FAAH2: variants seen among roughly 807,000 people sequenced by gnomAD.
FAAH2 encodes the protein fatty-acid amide hydrolase 2.
Under a neutral mutation model 36.9 loss-of-function variants are expected in FAAH2, and 60 were observed. The ratio of observed to expected loss-of-function variants is 1.63; its 90% CI spans 1.32 to 2.02. The LOEUF is 2.02. Ranked by LOEUF, FAAH2 falls within the 30% of genes most tolerant of loss-of-function variation. FAAH2 has a pLI of 0.00. For missense variants in FAAH2, 689 were observed against 397.5 expected (o/e 1.73, Z -6.23); for synonymous variants, 214 against 143.8 (o/e 1.49, Z -3.49).
intron 7 of FAAH2, among the ~76,000 whole-genome samples, chrX:57,425,030 A>G: frequency 1.4e-5 from 1 of 69,475 alleles, no homozygotes; most frequent in South Asian, 7.5e-4. Flanking sequence ...AAAAAGATAG[A>G]TATTAAAAAA....
the FAAH2 span, among the ~76,000 whole-genome samples, chrX:57,123,895 G>A: frequency 8.9e-6 from 1 of 111,795 alleles, no homozygotes; most frequent in Admixed American, 9.5e-5. Flanking sequence ...TGTAGATTCT[G>A]GATATTAGCC....
chrX:57,431,741 T>TG (rs2056299323), intron 7 of FAAH2, among the ~76,000 whole-genome samples, 177 bp from the exon 8 acceptor site: 1 of 107,374 alleles, frequency 9.3e-6, no homozygotes, highest in Non-Finnish European at 1.9e-5. Context: ...CTATATATTT[T>TG]GGGGTGTTTT....
At chrX:57,369,576 G>A (rs1242932634) in intron 5 of FAAH2, among the ~76,000 whole-genome samples, 1 of 111,586 alleles carries the variant, frequency 9.0e-6, no homozygotes, top group East Asian at 2.8e-4. Context: ...TCAAAGTGCT[G>A]GGGAATAAAT....
At chrX:57,213,868 C>T in the FAAH2 span, among the ~76,000 whole-genome samples, 1 of 111,482 alleles carries the variant, frequency 9.0e-6, no homozygotes, top group African/African-American at 3.3e-5. Context: ...AAACTATGTT[C>T]AGTGTTCCTT....
the FAAH2 span, among the ~76,000 whole-genome samples, chrX:57,206,518 G>A: frequency 8.9e-6 from 1 of 112,128 alleles, no homozygotes; most frequent in Non-Finnish European, 1.9e-5. Context: ...ATGTAACACT[G>A]TGAAAATTTT....
chrX:57,460,602 C>A (rs1317630786), intron 10 of FAAH2, among the ~76,000 whole-genome samples: 1 of 111,757 alleles, frequency 8.9e-6, no homozygotes, highest in Non-Finnish European at 1.9e-5. Flanking sequence ...AGCAAATGCT[C>A]AGGGATTTTG....
At chrX:57,484,717 C>T (rs1159776468) in intron 10 of FAAH2, among the ~76,000 whole-genome samples, 1 of 111,367 alleles carries the variant, frequency 9.0e-6, no homozygotes, top group Non-Finnish European at 1.9e-5. Context: ...TGGTGAGTGT[C>T]ATTTGTGGTG....
the FAAH2 span, among the ~76,000 whole-genome samples, chrX:57,178,376 C>T: frequency 9.0e-6 from 1 of 111,663 alleles, no homozygotes; most frequent in African/African-American, 3.3e-5. Context: ...ATGTTCTGTG[C>T]TGGTTGTCCA....
chrX:57,453,440 C>T lies in FAAH2; in HGVS notation c.1423+4722C>T, dbSNP rs770548347. On this transcript the variant is annotated intron_variant, in intron 10 of 10. Transcript: ENST00000374900. Reference sequence around the variant, plus strand: ...CAGTTCCTCTTCTTTCTGAACTCTGCCAGTGGACACAGCCTCCTGTTATCC... The same window carrying T: ...CAGTTCCTCTTCTTTCTGAACTCTGTCAGTGGACACAGCCTCCTGTTATCC... 5.1e-4 allele frequency among the ~76,000 whole-genome samples: 57 copies of T among 110,795 alleles called. 1 individual carries two copies. Among genetic ancestry groups the T allele is most frequent in the African/African-American group, 1.7e-3 (53 of 30,490 alleles).
At chrX:57,450,856 G>A (rs1482893834) in intron 10 of FAAH2, among the ~76,000 whole-genome samples, 2 of 111,135 alleles carry the variant, frequency 1.8e-5, no homozygotes, top group Non-Finnish European at 3.8e-5. Flanking sequence ...ACCATTTATT[G>A]GAGACATGTA....
intron 3 of FAAH2, among the ~76,000 whole-genome samples, chrX:57,323,688 T>A (rs1215090006): frequency 9.6e-6 from 1 of 104,045 alleles, no homozygotes; most frequent in Non-Finnish European, 2.0e-5. Context: ...GGTTGTTTTT[T>A]TTTTTTTTTT....
chrX:57,440,399 G>A (rs975687737), intron 8 of FAAH2, among the ~76,000 whole-genome samples: 2 of 110,973 alleles, frequency 1.8e-5, no homozygotes, highest in African/African-American at 6.6e-5. Context: ...TTGGCTCTCT[G>A]ATTGTCTGTT....
intron 10 of FAAH2, among the ~76,000 whole-genome samples, chrX:57,461,096 G>A (rs1289034041): frequency 9.1e-6 from 1 of 109,506 alleles, no homozygotes; most frequent in Non-Finnish European, 1.9e-5. Flanking sequence ...AAAAAGAAGA[G>A]CTAACTATCC....
chrX:57,328,536 A>G (rs908291743), intron 3 of FAAH2, among the ~76,000 whole-genome samples: 18 of 110,880 alleles, frequency 1.6e-4, no homozygotes, highest in Non-Finnish European at 5.7e-5. Context: ...CTTTCTATCT[A>G]TATTCTGAAT....
intron 3 of FAAH2, among the ~76,000 whole-genome samples, chrX:57,316,206 C>A (rs751141118): frequency 1.8e-5 from 2 of 111,276 alleles, no homozygotes; most frequent in Admixed American, 9.6e-5. Flanking sequence ...AACTGCAGAA[C>A]ACTGCCGAAA....
chrX:57,170,531 G>T, the FAAH2 span, among the ~76,000 whole-genome samples: 3 of 111,360 alleles, frequency 2.7e-5, no homozygotes, highest in Non-Finnish European at 1.9e-5. Context: ...TAGTGCACCT[G>T]TCACCCGAGT....
At chrX:57,198,624 G>A in the FAAH2 span, among the ~76,000 whole-genome samples, 3 of 112,271 alleles carry the variant, frequency 2.7e-5, no homozygotes, top group African/African-American at 9.7e-5. Context: ...GATATTTAAT[G>A]CTTGGTCAAA....
At chrX:57,341,153 A>G in intron 4 of FAAH2, 118 bp from the exon 5 acceptor site, 7 of 706,313 alleles carry the variant, frequency 9.9e-6, no homozygotes, top group Non-Finnish European at 1.4e-5. Flanking sequence ...GCTGTGAACA[A>G]AAGACTCACT....
chrX:57,243,809 T>G, the FAAH2 span, among the ~76,000 whole-genome samples: 1 of 110,567 alleles, frequency 9.0e-6, no homozygotes, highest in Non-Finnish European at 1.9e-5. Flanking sequence ...GAAAAAAGGC[T>G]GAAAATTGCA....
Sources: allele counts gnomAD v4.1 joint callset (sites outside exome capture counted in the v4.1 genomes callset), GRCh38; gene constraint gnomAD v4.1.1; transcripts MANE v1.5; gene names NCBI Gene and HGNC (gene_info 2026-07-23, HGNC 2026-07-21).